UNC13C: variants seen among roughly 807,000 people sequenced by gnomAD.
The protein encoded by UNC13C is unc-13 homolog C.
UNC13C carries 174 observed loss-of-function variants against 245.4 expected under a neutral mutation model. That is an observed-to-expected ratio of 0.71 (90% CI 0.63 to 0.80). UNC13C has a LOEUF of 0.80. Among genes scored for constraint, UNC13C ranks in the 30% least tolerant of loss-of-function variants. The pLI, the probability that UNC13C is intolerant of heterozygous loss-of-function variation, is 0.00. For missense variants in UNC13C, 2,829 were observed against 2,602.9 expected (o/e 1.09, Z -1.89); for synonymous variants, 992 against 895.1 (o/e 1.11, Z -1.93).
chr15:54,226,985 A>G (rs567021940), intron 4 of UNC13C, among the ~76,000 whole-genome samples: 36 of 152,188 alleles, frequency 2.4e-4, no homozygotes, highest in Non-Finnish European at 1.3e-4. Context: ...GGTAGGGGGC[A>G]TGTTTCAGCC....
intron 19 of UNC13C, among the ~76,000 whole-genome samples, chr15:54,455,661 G>C (rs1891480428): frequency 6.6e-6 from 1 of 150,540 alleles, no homozygotes; most frequent in Non-Finnish European, 1.5e-5. Flanking sequence ...ATCTTATTTT[G>C]AGAATTGTCT....
intron 13 of UNC13C, among the ~76,000 whole-genome samples, chr15:54,305,265 T>A (rs565190215): frequency 2.6e-5 from 4 of 152,174 alleles, no homozygotes; most frequent in Admixed American, 6.5e-5. Context: ...AAATGAAAAG[T>A]TTAATTGAGC....
intron 30 of UNC13C, among the ~76,000 whole-genome samples, chr15:54,599,136 T>C (rs1233834535): frequency 6.7e-6 from 1 of 149,374 alleles, no homozygotes; most frequent in African/African-American, 2.6e-5. Context: ...TAGAGAAATA[T>C]CATCATTCCC....
intron 2 of UNC13C, among the ~76,000 whole-genome samples, chr15:54,035,062 T>A (rs1896518140): frequency 6.6e-6 from 1 of 152,144 alleles, no homozygotes; most frequent in African/African-American, 2.4e-5. Context: ...AACATACCCT[T>A]CTTCCATTGT....
chr15:54,619,537 T>A (rs1900664640), intron 30 of UNC13C, among the ~76,000 whole-genome samples: 1 of 152,178 alleles, frequency 6.6e-6, no homozygotes, highest in South Asian at 2.1e-4. Flanking sequence ...ATTCACCTGC[T>A]TTGAAAGAAG....
rs199642323 is a variant in UNC13C at position 54,188,805 on chromosome 15, T to C, written c.3071+45121T>C. On this transcript the variant is annotated intron_variant, in intron 4 of 32. Transcript: ENST00000260323. ...TACCCTATTTGAGGAATTGCATTTA[T>C]TGGAAATTTAAAATTGATGATTACA... is the stretch of plus-strand genomic sequence containing the variant. Among the ~76,000 whole-genome samples, 4 of 152,298 alleles carry C rather than the reference T, an allele frequency of 2.6e-5. No homozygotes were observed. The East Asian group carries it at 5.8e-4, about 22-fold the overall frequency.
chr15:54,452,072 G>T (rs1423394004), intron 19 of UNC13C, among the ~76,000 whole-genome samples: 1 of 152,218 alleles, frequency 6.6e-6, no homozygotes, highest in Non-Finnish European at 1.5e-5. Context: ...GTGACTTAGG[G>T]TGTGATTCTT....
chr15:54,075,026 T>C (rs1051881985), intron 2 of UNC13C, among the ~76,000 whole-genome samples: 4 of 152,120 alleles, frequency 2.6e-5, no homozygotes, highest in African/African-American at 9.7e-5. Context: ...TATCGTGTAG[T>C]TGGAGTCAGT....
rs542186299 is a variant in UNC13C at position 54,132,012 on chromosome 15, G to T, written c.2984-11006G>T. 2.7e-5 allele frequency among the ~76,000 whole-genome samples: 4 copies of T among 150,740 alleles called. No homozygotes were observed. In the East Asian group the frequency reaches 7.8e-4, roughly 29 times the overall value. On this transcript the variant is annotated intron_variant, in intron 2 of 32. Coordinates refer to ENST00000260323, the MANE Select transcript of UNC13C (RefSeq NM_001080534.3). ...CTTCTCTGTGCTTCCATATCACTTTGTTCATATCTTTAACATCCTTATGAT... is the reference window on the plus strand; with the variant it reads ...CTTCTCTGTGCTTCCATATCACTTTTTTCATATCTTTAACATCCTTATGAT...
chr15:53,966,849 G>T, the UNC13C span, among the ~76,000 whole-genome samples: 3 of 151,814 alleles, frequency 2.0e-5, no homozygotes, highest in Non-Finnish European at 2.9e-5. Context: ...GGGTTCATGG[G>T]TTCATATTAT....
chr15:54,100,105 C>CAA (rs56058415), intron 2 of UNC13C, among the ~76,000 whole-genome samples: 3 of 111,876 alleles, frequency 2.7e-5, no homozygotes, highest in African/African-American at 1.1e-4. Flanking sequence ...TACTCTGTCT[C>CAA]AAAAAAAAAA....
intron 26 of UNC13C, among the ~76,000 whole-genome samples, chr15:54,545,412 C>G (rs905277964): frequency 7.2e-5 from 11 of 152,156 alleles, no homozygotes; most frequent in African/African-American, 2.4e-4. Flanking sequence ...ACTAAAACAC[C>G]AAAACCAATG....
the UNC13C span, among the ~76,000 whole-genome samples, chr15:53,899,814 C>T: frequency 1.3e-5 from 2 of 152,240 alleles, no homozygotes; most frequent in South Asian, 2.1e-4. Flanking sequence ...CTGCCTGCCT[C>T]GGCTTCCCAA....
At chr15:54,016,662 A>C (rs1204713798) in intron 2 of UNC13C, among the ~76,000 whole-genome samples, 1 of 152,208 alleles carries the variant, frequency 6.6e-6, no homozygotes, top group Non-Finnish European at 1.5e-5. Context: ...ACTTTTGGAA[A>C]GTGATAGTTA....
At chr15:54,093,071 C>T (rs1478388880) in intron 2 of UNC13C, among the ~76,000 whole-genome samples, 1 of 151,944 alleles carries the variant, frequency 6.6e-6, no homozygotes, top group African/African-American at 2.4e-5. Flanking sequence ...TGCTAGGTTC[C>T]TTAGGGTCCT....
chr15:54,565,764 CTAT>C (rs560922313), intron 29 of UNC13C, among the ~76,000 whole-genome samples: 29 of 152,074 alleles, frequency 1.9e-4, no homozygotes, highest in African/African-American at 7.0e-4. Context: ...ATCATCTATA[CTAT>C]TATTATTAAT....
intron 29 of UNC13C, among the ~76,000 whole-genome samples, chr15:54,558,808 G>C (rs1897188660): frequency 6.6e-6 from 1 of 151,956 alleles, no homozygotes; most frequent in African/African-American, 2.4e-5. Flanking sequence ...TGGCAGCTAT[G>C]AGACAGATAA....
rs770868384 is a variant in UNC13C at position 54,626,856 on chromosome 15, G to T, written c.6388G>T (p.Ala2130Ser). ...TCTCGGAAAGGAAAATCGACCAGGG[G>T]CTTATGAACTTCATCTCTCAGTTAA... ...FILGKENRPG[A>S]YELHLSVKDY... The change falls in exon 33 of 33, where the codon GCT (alanine) becomes TCT (serine). Residue 2130 changes from alanine to serine, a missense_variant. Transcript: ENST00000260323. The T allele has an allele frequency of 1.9e-6, 3 of 1,612,766 alleles. No individual in the cohort carries two copies. Among genetic ancestry groups the T allele is most frequent in the African/African-American group, 1.3e-5 (1 of 74,840 alleles).
intron 6 of UNC13C, 69 bp from the exon 7 acceptor site, chr15:54,237,550 C>A: frequency 8.4e-7 from 1 of 1,193,292 alleles, no homozygotes; most frequent in Non-Finnish European, 1.2e-6. Flanking sequence ...GCATTTTCAC[C>A]TTCTGCTGAG....
Sources: gnomAD v4.1 joint callset for allele counts (sites outside exome capture counted in the v4.1 genomes callset) on GRCh38, gnomAD v4.1.1 for gene constraint, MANE v1.5 for transcripts, NCBI Gene and HGNC (gene_info 2026-07-23, HGNC 2026-07-21) for gene names.